The following SEL1L3 variants were observed in gnomAD, a reference collection of about 807,000 sequenced individuals.
SEL1L3 encodes protein sel-1 homolog 3.
A neutral mutation model predicts 142.8 loss-of-function variants in SEL1L3; 76 were observed. That is an observed-to-expected ratio of 0.53 (90% CI 0.44 to 0.64). The LOEUF (loss-of-function observed/expected upper bound fraction) is 0.64, where lower values mean the gene tolerates loss of function less well. SEL1L3 is among the 30% of genes least tolerant of loss of function. The pLI, the probability that SEL1L3 is intolerant of heterozygous loss-of-function variation, is 0.00. For missense variants in SEL1L3, 1,262 were observed against 1,381.7 expected (o/e 0.91, Z 1.37); for synonymous variants, 504 against 519.6 (o/e 0.97, Z 0.41).
chr4:25,807,849 C>G (rs1713705496), intron 9 of SEL1L3, among the ~76,000 whole-genome samples: 1 of 152,098 alleles, frequency 6.6e-6, no homozygotes. Flanking sequence ...ACAAAAAAAA[C>G]TTTGCAGGTT....
rs886276430 is a variant in SEL1L3, at chr4:25,747,960, A to C, written c.*465T>G. 15 of 153,502 alleles carry C rather than the reference A, an allele frequency of 9.8e-5. No homozygotes were observed. The highest frequency in any genetic ancestry group is 1.7e-4 in the Non-Finnish European group (12 of 68,658). The allele number at this position is 153,502 out of a possible 1,614,324, so 9.5% of individuals were successfully genotyped here. A position where few individuals can be genotyped will look rare whatever the true frequency, so the allele number is the denominator to read the frequency against. Reference sequence around the variant, plus strand: ...CTTGGAAGTCAAAGAGAAATCTATCAATTCAGCTTTGAGGAACAGGGCTGT... The same window carrying C: ...CTTGGAAGTCAAAGAGAAATCTATCCATTCAGCTTTGAGGAACAGGGCTGT... On this transcript the variant is annotated 3_prime_UTR_variant, in exon 24 of 24. Transcript: ENST00000399878.
rs35927722 is a variant in SEL1L3 at position 25,776,363 on chromosome 4, G to GA, written c.2586-4dup. On this transcript the variant is annotated splice_region_variant and splice_polypyrimidine_tract_variant and intron_variant, in intron 16 of 23. Transcript: ENST00000399878. ...TCTCAGCTACATGTTTTGCCCATCT[G>GA]AAAAAAAAAAGGGAAGAGAAAATAC... 0.017 allele frequency: 21,958 copies of GA among 1,293,652 alleles called. 1 individual carries two copies. The highest frequency in any genetic ancestry group is 0.019 in the Non-Finnish European group (17,856 of 954,786). 80.1% of individuals were successfully genotyped at this position (1,293,652 alleles called of 1,614,324 possible).
In SEL1L3 at chr4:25,862,928, G is replaced by A; in HGVS notation, c.-92C>T. The A allele has an allele frequency of 1.1e-6, 1 of 889,584 alleles. No homozygotes were observed. Among genetic ancestry groups the A allele is most frequent in the African/African-American group, 2.3e-5 (1 of 43,068 alleles). 55.1% of individuals were successfully genotyped at this position (889,584 alleles called of 1,614,324 possible). A position where few individuals can be genotyped will look rare whatever the true frequency, so the allele number is the denominator to read the frequency against. On this transcript the variant is annotated 5_prime_UTR_variant, in exon 1 of 24. Coordinates refer to ENST00000399878, the MANE Select transcript of SEL1L3 (RefSeq NM_015187.5). ...GCCACCTTCCCGCCCGCCCCCGGCC[G>A]GGCCGGCCGCCGCGCGCGGGGCCAC...
At chr4:25,731,843 C>A in the SEL1L3 span, among the ~76,000 whole-genome samples, 1 of 152,082 alleles carries the variant, frequency 6.6e-6, no homozygotes, top group Non-Finnish European at 1.5e-5. Flanking sequence ...GAGGCCGAGA[C>A]AGGTGGATCA....
chr4:25,819,784 G>T, intron 8 of SEL1L3, 24 bp downstream of exon 8: 2 of 1,598,470 alleles, frequency 1.3e-6, no homozygotes, highest in Non-Finnish European at 1.7e-6. Context: ...GCTTAAAACA[G>T]CTCCCCTGAA....
rs1449965740 is a variant in SEL1L3, at chr4:25,802,263, A to G, written c.1956+20T>C. The G allele has an allele frequency of 1.2e-6, 2 of 1,600,648 alleles. No individual in the cohort carries two copies. The highest frequency in any genetic ancestry group is 1.1e-5 in the South Asian group (1 of 89,834). ...GTAAACAGGGCCATAACCATTCCCA[A>G]CCTTTTTTCTCTCTCATACCTGATC... On this transcript the variant is annotated intron_variant, in intron 11 of 23. Coordinates refer to ENST00000399878, the MANE Select transcript of SEL1L3 (RefSeq NM_015187.5).
chr4:25,814,782 A>C (rs2109247256), intron 9 of SEL1L3, among the ~76,000 whole-genome samples: 1 of 146,208 alleles, frequency 6.8e-6, no homozygotes, highest in Admixed American at 6.7e-5. Flanking sequence ...TTTACCCTCA[A>C]TTTACAAAAT....
chr4:25,854,096 T>TG (rs1213761090), intron 1 of SEL1L3, among the ~76,000 whole-genome samples: 1 of 152,086 alleles, frequency 6.6e-6, no homozygotes, highest in African/African-American at 2.4e-5. Context: ...CTGACTTTCT[T>TG]GGGAAAAGAA....
intron 17 of SEL1L3, among the ~76,000 whole-genome samples, chr4:25,774,929 G>C (rs920970521): frequency 6.6e-6 from 1 of 152,184 alleles, no homozygotes; most frequent in Non-Finnish European, 1.5e-5. Flanking sequence ...CAGACATCAT[G>C]GGGGCAGGGG....
rs766916627 is a variant in SEL1L3 at position 25,782,390 on chromosome 4, C to G, written c.2309G>C (p.Gly770Ala). 2.5e-6 allele frequency: 4 copies of G among 1,613,726 alleles called. No individual in the cohort carries two copies. Among genetic ancestry groups the G allele is most frequent in the Non-Finnish European group, 3.4e-6 (4 of 1,179,748 alleles). The change falls in exon 15 of 24, where the codon GGA becomes GCA. Residue 770 changes from glycine to alanine, a missense_variant. This residue lies in a region of SEL1L3 where 435 missense variants were observed against 559.2 expected (regional missense o/e 0.78). Coordinates refer to ENST00000399878, the MANE Select transcript of SEL1L3 (RefSeq NM_015187.5). Reference sequence around the variant, plus strand: ...TTTCTTGAATTTGTGGTAATACCATCCCAGGCCATTGACTGCCTGATGCAA... The same window carrying G: ...TTTCTTGAATTTGTGGTAATACCATGCCAGGCCATTGACTGCCTGATGCAA... ...KGLHQAVNGLGWYYHKFKKNY... is the reference protein window; with the variant it reads ...KGLHQAVNGLAWYYHKFKKNY...
intron 9 of SEL1L3, among the ~76,000 whole-genome samples, chr4:25,807,254 C>T (rs1167607311): frequency 1.3e-5 from 2 of 152,202 alleles, no homozygotes; most frequent in Non-Finnish European, 2.9e-5. Flanking sequence ...TTTGCTATAA[C>T]CAACAACGTG....
the SEL1L3 span, among the ~76,000 whole-genome samples, chr4:25,722,064 C>G: frequency 1.3e-5 from 2 of 151,916 alleles, no homozygotes; most frequent in South Asian, 2.1e-4. Flanking sequence ...CACGAGTTTA[C>G]AGGAAAAAAG....
chr4:25,861,970 G>C (rs1186547334), intron 1 of SEL1L3: 1 of 152,220 alleles, frequency 6.6e-6, no homozygotes, highest in South Asian at 2.1e-4. Flanking sequence ...CAGAAGCCAA[G>C]AAGTGTGCAA....
chr4:25,846,116 C>T (rs1716489067), intron 2 of SEL1L3, among the ~76,000 whole-genome samples: 1 of 152,166 alleles, frequency 6.6e-6, no homozygotes, highest in African/African-American at 2.4e-5. Context: ...GGAGGGCTCC[C>T]CACTGAGGGG....
At chr4:25,717,892 T>C in the SEL1L3 span, among the ~76,000 whole-genome samples, 1 of 152,198 alleles carries the variant, frequency 6.6e-6, no homozygotes, top group East Asian at 1.9e-4. Flanking sequence ...GCATGATCCT[T>C]GTACATAGTA....
intron 11 of SEL1L3, among the ~76,000 whole-genome samples, chr4:25,799,899 T>C (rs777249813): frequency 6.6e-6 from 1 of 151,944 alleles, no homozygotes; most frequent in African/African-American, 2.4e-5. Context: ...GTCCAGAAAA[T>C]GTAGAGAGAG....
Position 25,818,129 on chromosome 4 carries a change from C to T in SEL1L3, c.1564+9G>A, listed in dbSNP as rs369673188. ...CCAGCGCCTAAAGCCGAGGCAAAGA[C>T]TCAATTACCGGTCAGCAGATCCATC... is the stretch of plus-strand genomic sequence containing the variant. On this transcript the variant is annotated intron_variant, in intron 9 of 23. Coordinates refer to ENST00000399878, the MANE Select transcript of SEL1L3 (RefSeq NM_015187.5). 1.8e-5 allele frequency: 29 copies of T among 1,610,184 alleles called. No individual in the cohort carries two copies. The African/African-American group carries it at 2.3e-4, about 13-fold the overall frequency.
intron 20 of SEL1L3, 138 bp from the exon 21 acceptor site, chr4:25,759,206 T>C (rs2276953): frequency 0.32 from 268,246 of 835,216 alleles, 44,096 homozygotes; most frequent in Middle Eastern, 0.43. Context: ...GTCATCTTCA[T>C]TGATGAATTG....
At chr4:25,744,405 A>G (rs1400602963), downstream of SEL1L3, among the ~76,000 whole-genome samples, 4 of 129,978 alleles carry the variant, frequency 3.1e-5, no homozygotes, top group African/African-American at 8.3e-5. Context: ...CTGGAGTGCA[A>G]TGGCATGGCA....
Sources: gnomAD v4.1 joint callset for allele counts (sites outside exome capture counted in the v4.1 genomes callset) on GRCh38, gnomAD v4.1.1 for gene constraint, gnomAD v4.1.1 regional missense constraint, MANE v1.5 for transcripts, NCBI Gene and HGNC (gene_info 2026-07-23, HGNC 2026-07-21) for gene names.